Variants in ST6GALNAC5 observed in about 807,000 individuals in gnomAD.
ST6GALNAC5 encodes alpha-N-acetylgalactosaminide alpha-2,6-sialyltransferase 5.
ST6GALNAC5 carries 27 observed loss-of-function variants against 33.6 expected under a neutral mutation model. That is an observed-to-expected ratio of 0.80 (90% CI 0.59 to 1.11). The LOEUF is 1.11. ST6GALNAC5 is among the 50% of genes least tolerant of loss of function. The pLI is 0.00. For synonymous variants in ST6GALNAC5, 194 were observed against 171.2 expected (o/e 1.13, Z -1.04); for missense variants, 428 against 454.0 (o/e 0.94, Z 0.52).
intron 2 of ST6GALNAC5, among the ~76,000 whole-genome samples, chr1:76,955,324 G>T (rs1647914645): frequency 6.6e-6 from 1 of 152,104 alleles, no homozygotes; most frequent in Non-Finnish European, 1.5e-5. Context: ...ATCTGAATTG[G>T]ATGTGCTTCA....
chr1:76,943,274 A>C (rs527461376), intron 2 of ST6GALNAC5, among the ~76,000 whole-genome samples: 2 of 152,212 alleles, frequency 1.3e-5, no homozygotes, highest in African/African-American at 4.8e-5. Context: ...ATGAGTTGGG[A>C]CTCAAATTCA....
At chr1:76,943,557 A>C (rs1647407984) in intron 2 of ST6GALNAC5, among the ~76,000 whole-genome samples, 1 of 152,100 alleles carries the variant, frequency 6.6e-6, no homozygotes, top group African/African-American at 2.4e-5. Context: ...AGAGTCCCTG[A>C]TCACAGAGCA....
intron 2 of ST6GALNAC5, among the ~76,000 whole-genome samples, chr1:76,936,559 A>T (rs778651192): frequency 6.6e-6 from 1 of 152,032 alleles, no homozygotes; most frequent in Non-Finnish European, 1.5e-5. Flanking sequence ...TCACAGAAGG[A>T]CATTCTTTCT....
At chr1:76,955,055 A>G (rs2100342294) in intron 2 of ST6GALNAC5, among the ~76,000 whole-genome samples, 1 of 152,294 alleles carries the variant, frequency 6.6e-6, no homozygotes, top group East Asian at 1.9e-4. Context: ...GTGGACAGTG[A>G]ACAAATAAGC....
chr1:77,066,267 A>C lies in ST6GALNAC5; in HGVS notation c.*3061A>C, dbSNP rs1401402097. On this transcript the variant is annotated 3_prime_UTR_variant, in exon 5 of 5. Transcript: ENST00000477717. ...GTAAGATCTTTTCTTTAAAAAAAAA[A>C]ATAGATGAAAGCAAAACACAACGTA... 1.3e-5 allele frequency among the ~76,000 whole-genome samples: 2 copies of C among 152,126 alleles called. No individual in the cohort carries two copies. Among genetic ancestry groups the C allele is most frequent in the Non-Finnish European group, 2.9e-5 (2 of 68,016 alleles).
At chr1:76,923,145 T>C (rs891640561) in intron 2 of ST6GALNAC5, among the ~76,000 whole-genome samples, 1 of 152,072 alleles carries the variant, frequency 6.6e-6, no homozygotes, top group Non-Finnish European at 1.5e-5. Flanking sequence ...TATTGCAGTA[T>C]ACTTTTGCAA....
intron 2 of ST6GALNAC5, among the ~76,000 whole-genome samples, chr1:76,960,902 G>A (rs1648207840): frequency 6.6e-6 from 1 of 152,078 alleles, no homozygotes; most frequent in Admixed American, 6.6e-5. Flanking sequence ...CAAACAATTT[G>A]TGCAGTTAAC....
rs554608320 is a variant in ST6GALNAC5, at chr1:77,013,850, TTAAC to T, written c.262-30350_262-30347del. ...TTAAAGTAGCTGCTCAGACTGAACT[TTAAC>T]TAATTATTCAATCAACGATTTGGCA... On this transcript the variant is annotated intron_variant, in intron 2 of 4. Transcript: ENST00000477717. Among the ~76,000 whole-genome samples the T allele has an allele frequency of 1.4e-4, 22 of 152,298 alleles. No individual in the cohort carries two copies. The South Asian group carries it at 2.3e-3, about 16-fold the overall frequency.
chr1:77,005,122 T>G (rs1437951960), intron 2 of ST6GALNAC5, among the ~76,000 whole-genome samples: 2 of 152,202 alleles, frequency 1.3e-5, no homozygotes, highest in Non-Finnish European at 2.9e-5. Context: ...GATCTCAGAC[T>G]GCTGTGCTAG....
At chr1:76,948,722 A>G (rs1462345196) in intron 2 of ST6GALNAC5, among the ~76,000 whole-genome samples, 1 of 151,744 alleles carries the variant, frequency 6.6e-6, no homozygotes, top group Non-Finnish European at 1.5e-5. Flanking sequence ...CCACATAACT[A>G]CTCCCACCAT....
chr1:76,895,103 C>T (rs1169711715), intron 2 of ST6GALNAC5, among the ~76,000 whole-genome samples: 1 of 152,032 alleles, frequency 6.6e-6, no homozygotes, highest in African/African-American at 2.4e-5. Context: ...CAGGAACAGG[C>T]CATTTTCACT....
In ST6GALNAC5 at chr1:76,868,955, G is replaced by T. The variant is rs1339618718; in HGVS notation, c.261+213G>T. The T allele has an allele frequency of 1.3e-6, 1 of 761,538 alleles. No homozygotes were observed. The highest frequency in any genetic ancestry group is 3.2e-5 in the East Asian group (1 of 31,280). The allele number at this position is 761,538 out of a possible 1,614,324, so 47.2% of individuals were successfully genotyped here. A position where few individuals can be genotyped will look rare whatever the true frequency, so the allele number is the denominator to read the frequency against. On this transcript the variant is annotated intron_variant, in intron 2 of 4. Transcript: ENST00000477717. This position sits in a 1 kb window ranked among gnomAD's most constrained non-coding sequence, Gnocchi z 4.3. ...AAAGTTTTGTAGAAAATAGGGGTGA[G>T]GTGCGTGGACCCCAAAGCCTAATTT...
intron 2 of ST6GALNAC5, among the ~76,000 whole-genome samples, chr1:76,886,348 C>A (rs1283366106): frequency 5.3e-5 from 8 of 152,018 alleles, no homozygotes. Flanking sequence ...CTCTTTACTG[C>A]TTAGATTTTT....
At chr1:76,940,036 G>A (rs1307971439) in intron 2 of ST6GALNAC5, among the ~76,000 whole-genome samples, 3 of 152,072 alleles carry the variant, frequency 2.0e-5, no homozygotes, top group Non-Finnish European at 4.4e-5. Flanking sequence ...CATAAGATTG[G>A]CACTTACAGC....
chr1:76,876,012 T>C (rs1336787626), intron 2 of ST6GALNAC5, among the ~76,000 whole-genome samples: 1 of 152,150 alleles, frequency 6.6e-6, no homozygotes, highest in Non-Finnish European at 1.5e-5. Flanking sequence ...CAGAGGCAAT[T>C]GTGTGTGGAA....
intron 4 of ST6GALNAC5, among the ~76,000 whole-genome samples, chr1:77,055,969 A>T (rs1652384550): frequency 6.6e-6 from 1 of 152,246 alleles, no homozygotes; most frequent in Admixed American, 6.5e-5. Flanking sequence ...TGCCAGGCAC[A>T]TTAAAACTAT....
intron 2 of ST6GALNAC5, among the ~76,000 whole-genome samples, chr1:76,984,741 A>G (rs763017970): frequency 6.6e-6 from 1 of 152,232 alleles, no homozygotes; most frequent in African/African-American, 2.4e-5. Context: ...AATATTCCCA[A>G]TGAACATCAA....
chr1:76,899,623 C>G (rs1054383189), intron 2 of ST6GALNAC5, among the ~76,000 whole-genome samples: 3 of 152,160 alleles, frequency 2.0e-5, no homozygotes, highest in Admixed American at 6.5e-5. Flanking sequence ...GATTAAACAC[C>G]AAGGGACGGC....
At chr1:76,898,629 G>A (rs1305972753) in intron 2 of ST6GALNAC5, among the ~76,000 whole-genome samples, 2 of 152,074 alleles carry the variant, frequency 1.3e-5, no homozygotes, top group Non-Finnish European at 2.9e-5. Flanking sequence ...CAGCCTAAAC[G>A]CTACTGATTT....
Sources: gnomAD v4.1 joint callset for allele counts (sites outside exome capture counted in the v4.1 genomes callset) on GRCh38, gnomAD v4.1.1 for gene constraint, Gnocchi (gnomAD v3.1) non-coding constraint, MANE v1.5 for transcripts, NCBI Gene and HGNC (gene_info 2026-07-23, HGNC 2026-07-21) for gene names.